The following AMOTL2 variants were observed in gnomAD, a reference collection of about 807,000 sequenced individuals.
AMOTL2 encodes angiomotin-like protein 2.
A neutral mutation model predicts 78.4 loss-of-function variants in AMOTL2; 33 were observed. The ratio of observed to expected loss-of-function variants is 0.42; its 90% CI spans 0.32 to 0.56. The LOEUF is 0.56. Ranked by LOEUF, AMOTL2 falls within the 20% of genes least tolerant of loss-of-function variation. The probability of loss-of-function intolerance (pLI) is 0.12; values close to 1 mark genes in which losing one functional copy is unlikely to be tolerated. For missense variants in AMOTL2, 983 were observed against 1,030.1 expected (o/e 0.95, Z 0.63); for synonymous variants, 422 against 428.8 (o/e 0.98, Z 0.20).
At chr3:134,370,646 G>A (rs1434096654) in intron 2 of AMOTL2, 54 bp downstream of exon 2, 1 of 1,494,478 alleles carries the variant, frequency 6.7e-7, no homozygotes, top group Non-Finnish European at 8.9e-7. Context: ...CTCCCTGAGA[G>A]ACCTGTGCTG....
At chr3:134,361,318 C>T (rs574573495) in intron 6 of AMOTL2, among the ~76,000 whole-genome samples, 194 bp downstream of exon 6, 5 of 152,342 alleles carry the variant, frequency 3.3e-5, no homozygotes, top group South Asian at 4.1e-4. Flanking sequence ...ACTAAGACAA[C>T]GAGTGGAAGG....
At position 134,371,077 on chromosome 3, in the gene AMOTL2, G is replaced by T; in HGVS notation, c.357C>A (p.Ala119=). The part of the protein sequence containing the change: ...EAKAHSQYYA[A]QQAGTRPHAG... Reference sequence around the variant, plus strand: ...CATGTGGCCGGGTCCCTGCCTGCTGGGCCGCATAGTACTGCGAGTGGGCTT... The same window carrying T: ...CATGTGGCCGGGTCCCTGCCTGCTGTGCCGCATAGTACTGCGAGTGGGCTT... Residue 119 remains alanine (A), a synonymous_variant, in exon 2 of 10, where the codon GCC becomes GCA. Transcript: ENST00000249883. 4 of 1,611,504 alleles carry T rather than the reference G, an allele frequency of 2.5e-6. No homozygotes were observed. Among genetic ancestry groups the T allele is most frequent in the Non-Finnish European group, 3.4e-6 (4 of 1,178,986 alleles).
intron 1 of AMOTL2, among the ~76,000 whole-genome samples, chr3:134,372,548 C>CACACACACACACACACACAA (rs1268109465): frequency 3.6e-4 from 55 of 151,744 alleles, no homozygotes; most frequent in African/African-American, 1.3e-3. Flanking sequence ...CACACACACA[C>CACACACACACACACACACAA]ACACACACAA....
Position 134,359,293 on chromosome 3 carries a change from C to T in AMOTL2, c.2094G>A (p.Arg698=). The change falls in exon 8 of 10, where the codon CGG becomes CGA. Residue 698 remains arginine (R), a synonymous_variant. Transcript: ENST00000249883. ...SERQTADAPA[R]LTTADRAPTE... ...GTAGCCTCCTCTTACCTGTAGTCAG[C>T]CGAGCAGGGGCGTCTGCTGTTTGTC... 1 of 1,614,166 alleles carries T rather than the reference C, an allele frequency of 6.2e-7. No homozygotes were observed. Among genetic ancestry groups the T allele is most frequent in the Non-Finnish European group, 8.5e-7 (1 of 1,180,002 alleles).
At chr3:134,374,060 T>TG in intron 1 of AMOTL2, 1 of 177,098 alleles carries the variant, frequency 5.6e-6, no homozygotes, top group Non-Finnish European at 9.3e-6. Context: ...CGAAACACTG[T>TG]GGCTGTTGTC....
rs779514523 is a variant in AMOTL2 at position 134,359,523 on chromosome 3, G to A, written c.1884-20C>T. On this transcript the variant is annotated intron_variant, in intron 7 of 9. Transcript: ENST00000249883. Reference sequence around the variant, plus strand: ...TTTAACCTGAGGGGTGAGAGGCCATGCCCACATTGTCAGACCCACAGATCC... The same window carrying A: ...TTTAACCTGAGGGGTGAGAGGCCATACCCACATTGTCAGACCCACAGATCC... 19 of 1,592,604 alleles carry A rather than the reference G, an allele frequency of 1.2e-5. No individual in the cohort carries two copies. Among genetic ancestry groups the A allele is most frequent in the Non-Finnish European group, 1.6e-5 (19 of 1,164,654 alleles).
At chr3:134,366,476 A>T in intron 3 of AMOTL2, 49 bp from the exon 4 acceptor site, 1 of 1,578,226 alleles carries the variant, frequency 6.3e-7, no homozygotes, top group Non-Finnish European at 8.6e-7. Context: ...GCTCCCAGGG[A>T]GTGATTCGAG....
In AMOTL2 at chr3:134,359,399, C is replaced by G. The variant is rs751859743; in HGVS notation, c.1988G>C (p.Arg663Pro). 1 of 1,614,174 alleles carries G rather than the reference C, an allele frequency of 6.2e-7. No homozygotes were observed. The highest frequency in any genetic ancestry group is 1.1e-5 in the South Asian group (1 of 91,080). Residue 663 changes from arginine (R) to proline (P), a missense_variant, in exon 8 of 10, where the codon CGG becomes CCG. Coordinates refer to ENST00000249883, the MANE Select transcript of AMOTL2 (RefSeq NM_016201.4). ...DPGKAIQGSL[R>P]PAKSVPSVFA... Reference sequence around the variant, plus strand: ...AACAGATGGCACCGACTTGGCAGGCCGCAGGGAGCCCTGGATGGCCTTGCC... The same window carrying G: ...AACAGATGGCACCGACTTGGCAGGCGGCAGGGAGCCCTGGATGGCCTTGCC...
At chr3:134,362,057 T>C (rs565720615) in intron 5 of AMOTL2, among the ~76,000 whole-genome samples, 2 of 152,348 alleles carry the variant, frequency 1.3e-5, no homozygotes, top group South Asian at 4.1e-4. Context: ...GCCTTTCTAC[T>C]GGGACATACT....
rs761494298 is a variant in AMOTL2 at position 134,358,549 on chromosome 3, C to T, written c.2275G>A (p.Ala759Thr). 5.6e-6 allele frequency: 9 copies of T among 1,613,246 alleles called. 1 individual carries two copies. The East Asian group carries it at 1.8e-4, about 32-fold the overall frequency. Residue 759 changes from alanine to threonine, a missense_variant, in exon 9 of 10, where the codon GCC (alanine) becomes ACC (threonine). Ala to Thr is a moderately conservative substitution (Grantham distance 58). Transcript: ENST00000249883. ...LLGCSSSQRA[A>T]SLDSVATSRV... ...GGTCAGGAGGACTTACCCAGAGAGG[C>T]TGCTCTCTGGCTACTGCTGCACCCC...
chr3:134,364,629 C>G (rs2017529569), intron 5 of AMOTL2, among the ~76,000 whole-genome samples: 1 of 152,086 alleles, frequency 6.6e-6, no homozygotes, highest in South Asian at 2.1e-4. Flanking sequence ...CCTCCTGCCC[C>G]ACCCTGTCAA....
At chr3:134,371,751 A>G (rs75092446) in intron 1 of AMOTL2, 13 of 454,622 alleles carry the variant, frequency 2.9e-5, no homozygotes, top group African/African-American at 5.8e-5. Context: ...GGAGATGAGG[A>G]AAAAAAAAGA....
chr3:134,366,596 A>G, intron 3 of AMOTL2, 169 bp from the exon 4 acceptor site: 1 of 653,192 alleles, frequency 1.5e-6, no homozygotes. Context: ...AGCCTCCGGA[A>G]GTAGAATAGA....
intron 6 of AMOTL2, among the ~76,000 whole-genome samples, 196 bp downstream of exon 6, chr3:134,361,313 GACA>G: frequency 6.6e-6 from 1 of 152,348 alleles, no homozygotes; most frequent in Non-Finnish European, 1.5e-5. Context: ...CCTCTACTAA[GACA>G]ACGAGTGGAA....
upstream of AMOTL2, chr3:134,375,127 G>C: frequency 6.6e-7 from 1 of 1,523,826 alleles, no homozygotes; most frequent in Non-Finnish European, 8.8e-7. Flanking sequence ...GCTATTTTAC[G>C]ACCGTCTCGA....
At chr3:134,360,464 G>A (rs762907607) in intron 6 of AMOTL2, 51 bp from the exon 7 acceptor site, 1 of 1,513,304 alleles carries the variant, frequency 6.6e-7, no homozygotes, top group Admixed American at 1.7e-5. Context: ...TTGGGGTGTG[G>A]CAGCCACTGG....
chr3:134,358,450 G>T lies in AMOTL2; in HGVS notation c.2284+90C>A, dbSNP rs1559794210. On this transcript the variant is annotated intron_variant, in intron 9 of 9. Transcript: ENST00000249883. The stretch of plus-strand genomic sequence containing the variant: ...GGAGTGCGGGCAATGACCCGGAGGG[G>T]GTCTGGGAAGAAAAGGCCTTGTGTT... The T allele has an allele frequency of 3.4e-6, 5 of 1,460,028 alleles. No homozygotes were observed. In the East Asian group the frequency reaches 1.2e-4, roughly 34 times the overall value. The allele number at this position is 1,460,028 out of a possible 1,614,324, so 90.4% of individuals were successfully genotyped here.
intron 1 of AMOTL2, 154 bp from the exon 2 acceptor site, chr3:134,371,648 C>G (rs1449897410): frequency 2.4e-6 from 3 of 1,240,816 alleles, no homozygotes; most frequent in Non-Finnish European, 3.2e-6. Context: ...GGTTCAAGTA[C>G]CAGTGCTGCC....
In AMOTL2 at chr3:134,367,751, G is replaced by T; in HGVS notation, c.787C>A (p.Gln263Lys). The change falls in exon 3 of 10, where the codon CAG becomes AAG. Residue 263 changes from glutamine (Q) to lysine (K), a missense_variant. Gln to Lys is a moderately conservative substitution (Grantham distance 53). Transcript: ENST00000249883. ...PVFLQQQQQY[Q>K]YLQQSQEHPP... ...TGCTCCTGAGATTGCTGCAGGTACT[G>T]GTACTGCTGCTGCTGTTGGAGGAAC... 1.2e-6 allele frequency: 2 copies of T among 1,613,836 alleles called. No homozygotes were observed. Among genetic ancestry groups the T allele is most frequent in the Non-Finnish European group, 1.7e-6 (2 of 1,180,022 alleles).
Sources: gnomAD v4.1 joint callset for allele counts (sites outside exome capture counted in the v4.1 genomes callset) on GRCh38, gnomAD v4.1.1 for gene constraint, MANE v1.5 for transcripts, NCBI Gene and HGNC (gene_info 2026-07-23, HGNC 2026-07-21) for gene names.